EXOC6B: variants seen among roughly 807,000 people sequenced by gnomAD.
The protein encoded by EXOC6B is SEC15 homolog B.
EXOC6B carries 54 observed loss-of-function variants against 113.5 expected under a neutral mutation model. The observed-to-expected ratio is 0.48, with a 90% CI of 0.38 to 0.60. The LOEUF (loss-of-function observed/expected upper bound fraction) is 0.60, where lower values mean the gene tolerates loss of function less well. Among genes scored for constraint, EXOC6B ranks in the 20% least tolerant of loss-of-function variants. The pLI is 0.00. For missense variants in EXOC6B, 797 were observed against 977.5 expected, an observed-to-expected ratio of 0.82 and a Z score of 2.46; for synonymous variants, 357 against 339.0, an observed-to-expected ratio of 1.05 and a Z score of -0.58.
intron 15 of EXOC6B, among the ~76,000 whole-genome samples, chr2:72,493,699 C>T (rs990727177): frequency 7.2e-5 from 11 of 151,866 alleles, no homozygotes; most frequent in Non-Finnish European, 1.3e-4. Flanking sequence ...CATGTGTTTG[C>T]TATTTTAAAA....
rs1553464095 is a variant in EXOC6B, at chr2:72,671,795, G to GAAAGAA, written c.669+46302_669+46307dup. 3.8e-4 allele frequency among the ~76,000 whole-genome samples: 44 copies of GAAAGAA among 114,338 alleles called. 2 individuals are homozygous for GAAAGAA. Among genetic ancestry groups the GAAAGAA allele is most frequent in the Middle Eastern group, 4.5e-3 (1 of 222 alleles). 75.0% of individuals were successfully genotyped at this position (114,338 alleles called of 152,430 possible). A position where few individuals can be genotyped will look rare whatever the true frequency, so the allele number is the denominator to read the frequency against. On this transcript the variant is annotated intron_variant, in intron 6 of 21. Coordinates refer to ENST00000272427, the MANE Select transcript of EXOC6B (RefSeq NM_015189.3). ...AGAAAGAAAGAAAGAAAGAAAGAAA[G>GAAAGAA]AAAGAAAGAAAGAAAGAAAGAAAGA...
At chr2:72,814,758 A>G (rs1559024673) in intron 1 of EXOC6B, among the ~76,000 whole-genome samples, 2 of 152,020 alleles carry the variant, frequency 1.3e-5, no homozygotes, top group East Asian at 1.9e-4. Context: ...TTGGGAGGCC[A>G]AGGCAGGTGG....
At chr2:72,197,156 G>T (rs894376111) in intron 20 of EXOC6B, among the ~76,000 whole-genome samples, 3 of 152,162 alleles carry the variant, frequency 2.0e-5, no homozygotes, top group African/African-American at 7.2e-5. Flanking sequence ...GCCATACTGG[G>T]CTAGTTATCT....
chr2:72,461,769 A>G (rs1453741055), intron 18 of EXOC6B: 1 of 152,056 alleles, frequency 6.6e-6, no homozygotes, highest in Non-Finnish European at 1.5e-5. Flanking sequence ...TGAAAAACTG[A>G]CTCCAAAAAG....
intron 8 of EXOC6B, among the ~76,000 whole-genome samples, chr2:72,525,696 A>G (rs1455435171): frequency 2.0e-5 from 3 of 152,188 alleles, no homozygotes; most frequent in African/African-American, 7.2e-5. Flanking sequence ...TTTTTAATAT[A>G]AAACAAATAA....
chr2:72,201,268 T>A (rs1679474380), intron 20 of EXOC6B, among the ~76,000 whole-genome samples: 1 of 152,222 alleles, frequency 6.6e-6, no homozygotes, highest in Non-Finnish European at 1.5e-5. Context: ...TACTTAAATA[T>A]ACTACAATGT....
chr2:72,615,388 T>C (rs983625671), intron 6 of EXOC6B, among the ~76,000 whole-genome samples: 3 of 152,146 alleles, frequency 2.0e-5, no homozygotes, highest in African/African-American at 7.2e-5. Context: ...AGGAAAATTT[T>C]AGACGAATTA....
intron 6 of EXOC6B, among the ~76,000 whole-genome samples, chr2:72,628,332 T>C (rs776220069): frequency 3.9e-5 from 6 of 152,088 alleles, no homozygotes; most frequent in Non-Finnish European, 7.4e-5. Context: ...TCTCACTGTG[T>C]TGCTCATACT....
rs146721337 is a variant in EXOC6B, at chr2:72,639,342, G to T, written c.670-63674C>A. On this transcript the variant is annotated intron_variant, in intron 6 of 21. Transcript: ENST00000272427. ...CTCCTGCTTCCTGGGCACAGAGAAG[G>T]CACCCAGAAATGCACCTGCCAGCAC... Among the ~76,000 whole-genome samples, 1,505 of 152,178 alleles carry T rather than the reference G, an allele frequency of 9.9e-3. 40 individuals carry two copies. Among genetic ancestry groups the T allele is most frequent in the African/African-American group, 0.035 (1,451 of 41,504 alleles).
At chr2:72,504,410 A>G (rs976646428) in intron 11 of EXOC6B, among the ~76,000 whole-genome samples, 1 of 152,198 alleles carries the variant, frequency 6.6e-6, no homozygotes, top group African/African-American at 2.4e-5. Context: ...AGCCATATGT[A>G]TAATTTTCTT....
intron 7 of EXOC6B, among the ~76,000 whole-genome samples, chr2:72,560,599 A>G (rs1703835450): frequency 6.6e-6 from 1 of 152,082 alleles, no homozygotes; most frequent in Admixed American, 6.6e-5. Context: ...CTAAAATTCA[A>G]CAGCACAACA....
intron 1 of EXOC6B, among the ~76,000 whole-genome samples, chr2:72,822,137 T>C (rs960038418): frequency 5.3e-5 from 8 of 152,154 alleles, no homozygotes; most frequent in African/African-American, 1.4e-4. Context: ...GATATAGGGA[T>C]GGGATTTGAA....
intron 1 of EXOC6B, among the ~76,000 whole-genome samples, chr2:72,772,187 C>A (rs552866704): frequency 6.6e-6 from 1 of 152,166 alleles, no homozygotes; most frequent in Admixed American, 6.5e-5. Flanking sequence ...GATATGAGCA[C>A]CCTACTTCAC....
intron 18 of EXOC6B, among the ~76,000 whole-genome samples, chr2:72,405,464 T>A (rs182759135): frequency 4.7e-4 from 71 of 152,304 alleles, no homozygotes; most frequent in African/African-American, 1.7e-3. Context: ...AAGGTCAGGT[T>A]ACCCACAAAG....
intron 8 of EXOC6B, among the ~76,000 whole-genome samples, chr2:72,556,741 G>A (rs910944650): frequency 9.4e-6 from 1 of 106,782 alleles, no homozygotes; most frequent in African/African-American, 2.5e-5. Flanking sequence ...GCAGGATAAA[G>A]AGGTATTTTA....
chr2:72,458,402 T>A (rs1013081474), intron 18 of EXOC6B, among the ~76,000 whole-genome samples: 2 of 152,056 alleles, frequency 1.3e-5, no homozygotes, highest in African/African-American at 4.8e-5. Context: ...GAAACCCAGA[T>A]GGGGTAGTTT....
intron 18 of EXOC6B, among the ~76,000 whole-genome samples, chr2:72,388,735 T>G (rs1303942723): frequency 1.3e-5 from 2 of 152,184 alleles, no homozygotes; most frequent in Admixed American, 6.5e-5. Flanking sequence ...TTTGAAGATT[T>G]GTTATTGAGT....
rs181685772 is a variant in EXOC6B at position 72,825,308 on chromosome 2, G to A, written c.113+490C>T. 6.6e-6 allele frequency among the ~76,000 whole-genome samples: 1 copy of A among 152,286 alleles called. No homozygotes were observed. Among genetic ancestry groups the A allele is most frequent in the East Asian group, 1.9e-4 (1 of 5,174 alleles). On this transcript the variant is annotated intron_variant, in intron 1 of 21. Coordinates refer to ENST00000272427, the MANE Select transcript of EXOC6B (RefSeq NM_015189.3). This position sits in a 1 kb window ranked among gnomAD's most constrained non-coding sequence, Gnocchi z 4.4. ...GCGGGTTGGGGAAACTTCCATCCAG[G>A]CCTAGGATTTCCAGGGACTCGTTTC...
chr2:72,567,088 C>T (rs144384092), intron 7 of EXOC6B, among the ~76,000 whole-genome samples: 1 of 151,824 alleles, frequency 6.6e-6, no homozygotes, highest in Non-Finnish European at 1.5e-5. Flanking sequence ...ATAGTTTTGC[C>T]TTTGAATCAT....
Sources: gnomAD v4.1 joint callset for allele counts (sites outside exome capture counted in the v4.1 genomes callset) on GRCh38, gnomAD v4.1.1 for gene constraint, Gnocchi (gnomAD v3.1) non-coding constraint, MANE v1.5 for transcripts, NCBI Gene and HGNC (gene_info 2026-07-23, HGNC 2026-07-21) for gene names.